The following RGS6 variants were observed in gnomAD, a reference collection of about 807,000 sequenced individuals.
RGS6 encodes regulator of G-protein signaling 6.
RGS6 carries 30 observed loss-of-function variants against 78.5 expected under a neutral mutation model. The ratio of observed to expected loss-of-function variants is 0.38; its 90% CI spans 0.29 to 0.52. RGS6 has a LOEUF of 0.52. RGS6 is among the 20% of genes least tolerant of loss of function. The pLI is 0.85. For synonymous variants in RGS6, 206 were observed against 206.0 expected, an observed-to-expected ratio of 1.00 and a Z score of 0.00; for missense variants, 495 against 609.7, an observed-to-expected ratio of 0.81 and a Z score of 1.98.
intron 2 of RGS6, among the ~76,000 whole-genome samples, chr14:72,094,128 A>G (rs919493343): frequency 6.6e-6 from 1 of 152,200 alleles, no homozygotes; most frequent in Non-Finnish European, 1.5e-5. Flanking sequence ...GGACAGGAAA[A>G]TGCTACTCTC....
chr14:71,986,783 TTGGCA>T (rs1566965426), intron 2 of RGS6, among the ~76,000 whole-genome samples: 1 of 152,184 alleles, frequency 6.6e-6, no homozygotes, highest in Non-Finnish European at 1.5e-5. Flanking sequence ...GAAAAATGAT[TTGGCA>T]GAGCTGCATG....
chr14:72,374,767 A>C (rs2084282730), intron 3 of RGS6, among the ~76,000 whole-genome samples: 1 of 152,256 alleles, frequency 6.6e-6, no homozygotes, highest in African/African-American at 2.4e-5. Flanking sequence ...AATAATTATT[A>C]GATCATACGA....
intron 2 of RGS6, among the ~76,000 whole-genome samples, chr14:71,983,756 A>T (rs144243650): frequency 1.1e-3 from 172 of 152,292 alleles, no homozygotes; most frequent in African/African-American, 4.0e-3. Flanking sequence ...ACCTCATCTT[A>T]ATGAATTACA....
chr14:72,480,356 G>A (rs554796921), intron 12 of RGS6, among the ~76,000 whole-genome samples: 59 of 152,302 alleles, frequency 3.9e-4, no homozygotes, highest in African/African-American at 1.3e-3. Flanking sequence ...CGGGGAGCCC[G>A]GCCCATCCTA....
At chr14:72,285,784 A>G (rs1005492946) in intron 2 of RGS6, among the ~76,000 whole-genome samples, 4 of 152,184 alleles carry the variant, frequency 2.6e-5, no homozygotes, top group Admixed American at 2.6e-4. Context: ...CCAACTTTTC[A>G]TATACTTGTT....
chr14:72,497,839 T>C (rs376244129), intron 13 of RGS6, among the ~76,000 whole-genome samples: 1 of 140,044 alleles, frequency 7.1e-6, no homozygotes, highest in East Asian at 2.0e-4. Flanking sequence ...TTTTTCTCTT[T>C]TTTAAAAATT....
At chr14:72,469,392 A>G (rs1193366457) in intron 7 of RGS6, among the ~76,000 whole-genome samples, 1 of 152,088 alleles carries the variant, frequency 6.6e-6, no homozygotes, top group Non-Finnish European at 1.5e-5. Flanking sequence ...ATTTTAGTAG[A>G]GATGGGGTTT....
chr14:72,164,412 C>T (rs1480054417), intron 2 of RGS6, among the ~76,000 whole-genome samples: 2 of 152,114 alleles, frequency 1.3e-5, no homozygotes, highest in South Asian at 2.1e-4. Context: ...CCCTGCCTGG[C>T]CAGCCATGAG....
intron 2 of RGS6, among the ~76,000 whole-genome samples, chr14:72,032,675 G>A (rs1248929193): frequency 6.6e-6 from 1 of 151,940 alleles, no homozygotes; most frequent in Non-Finnish European, 1.5e-5. Flanking sequence ...GACTACTTAA[G>A]TATACCTCAT....
At chr14:71,927,306 A>G in the RGS6 span, among the ~76,000 whole-genome samples, 1 of 152,232 alleles carries the variant, frequency 6.6e-6, no homozygotes, top group Non-Finnish European at 1.5e-5. Context: ...ACATAACATT[A>G]TTTCCAAGTC....
chr14:72,329,681 C>T (rs1211985053), intron 2 of RGS6, among the ~76,000 whole-genome samples: 3 of 152,206 alleles, frequency 2.0e-5, no homozygotes, highest in Non-Finnish European at 4.4e-5. Context: ...ATCAAGTTGG[C>T]TAAACCCATA....
intron 6 of RGS6, among the ~76,000 whole-genome samples, chr14:72,462,107 G>A (rs148523103): frequency 6.6e-6 from 1 of 152,272 alleles, no homozygotes; most frequent in East Asian, 1.9e-4. Flanking sequence ...TGAAGTACCA[G>A]AAACTTTCAT....
the RGS6 span, among the ~76,000 whole-genome samples, chr14:71,925,713 A>ATATTATAT: frequency 1.3e-5 from 1 of 75,954 alleles, no homozygotes. Context: ...AGATGACTTC[A>ATATTATAT]TATTATATTA....
chr14:72,522,206 C>T (rs757777980), intron 15 of RGS6, among the ~76,000 whole-genome samples: 10 of 152,136 alleles, frequency 6.6e-5, no homozygotes, highest in Non-Finnish European at 1.2e-4. Context: ...TGCAGGTGGC[C>T]GCCTTCTTGC....
At chr14:71,936,030 A>ATATATATATACATATATATATATATG (rs1555390438) in intron 1 of RGS6, among the ~76,000 whole-genome samples, 7 of 133,222 alleles carry the variant, frequency 5.3e-5, no homozygotes, top group Admixed American at 2.4e-4. Context: ...ATATATATAT[A>ATATATATATACATATATATATATATG]TATATATATA....
intron 2 of RGS6, among the ~76,000 whole-genome samples, chr14:72,292,837 C>G (rs764607051): frequency 6.6e-6 from 1 of 152,250 alleles, no homozygotes; most frequent in Non-Finnish European, 1.5e-5. Flanking sequence ...ACCTCCTGAA[C>G]TGGCCCAGAG....
the RGS6 span, among the ~76,000 whole-genome samples, chr14:72,621,591 C>G: frequency 1.3e-5 from 2 of 152,054 alleles, no homozygotes; most frequent in African/African-American, 4.8e-5. Flanking sequence ...GGGAGTGATA[C>G]GATCAGATTG....
rs146142729 is a variant in RGS6 at position 72,168,268 on chromosome 14, C to T, written c.85-183827C>T. ...CATGTCGAGGATCCACGTAAACACCCCTCAAACAGATGGTCCCCCACAGGC... is the reference window on the plus strand; with the variant it reads ...CATGTCGAGGATCCACGTAAACACCTCTCAAACAGATGGTCCCCCACAGGC... On this transcript the variant is annotated intron_variant, in intron 2 of 17. Coordinates refer to ENST00000553525, the MANE Select transcript of RGS6 (RefSeq NM_001204424.2). 2.2e-3 allele frequency among the ~76,000 whole-genome samples: 342 copies of T among 152,166 alleles called. 2 individuals are homozygous for T. The highest frequency in any genetic ancestry group is 7.8e-3 in the African/African-American group (324 of 41,498).
intron 3 of RGS6, among the ~76,000 whole-genome samples, chr14:72,409,892 C>T (rs946148090): frequency 1.1e-4 from 17 of 152,198 alleles, no homozygotes; most frequent in Non-Finnish European, 2.2e-4. Context: ...AGCACATGAA[C>T]TCATCCTTTT....
Sources: allele counts gnomAD v4.1 joint callset (sites outside exome capture counted in the v4.1 genomes callset), GRCh38; gene constraint gnomAD v4.1.1; transcripts MANE v1.5; gene names NCBI Gene and HGNC (gene_info 2026-07-23, HGNC 2026-07-21).